BTBD9: variants seen among roughly 807,000 people sequenced by gnomAD.
BTBD9 encodes the protein BTB/POZ domain-containing protein 9.
Under a neutral mutation model 64.3 loss-of-function variants are expected in BTBD9, and 49 were observed. The ratio of observed to expected loss-of-function variants is 0.76; its 90% CI spans 0.61 to 0.97. The LOEUF (loss-of-function observed/expected upper bound fraction) is 0.97, where lower values mean the gene tolerates loss of function less well. Ranked by LOEUF, BTBD9 falls within the 50% of genes least tolerant of loss-of-function variation. BTBD9 has a pLI of 0.00. For synonymous variants in BTBD9, 260 were observed against 274.7 expected (o/e 0.95, Z 0.53); for missense variants, 598 against 762.1 (o/e 0.78, Z 2.53).
chr6:38,348,400 G>T (rs886987198), intron 6 of BTBD9, among the ~76,000 whole-genome samples: 1 of 152,200 alleles, frequency 6.6e-6, no homozygotes, highest in Non-Finnish European at 1.5e-5. Context: ...AAGGGCAGTG[G>T]CAGCTAGTGA....
intron 1 of BTBD9, among the ~76,000 whole-genome samples, chr6:38,600,048 A>C (rs1263856733): frequency 1.3e-5 from 2 of 152,222 alleles, no homozygotes; most frequent in Non-Finnish European, 2.9e-5. Flanking sequence ...TGTATGAAAG[A>C]CCAAATTCAG....
chr6:38,302,187 ACAGT>A (rs1178186723), intron 7 of BTBD9, among the ~76,000 whole-genome samples: 1 of 152,038 alleles, frequency 6.6e-6, no homozygotes, highest in Non-Finnish European at 1.5e-5. Flanking sequence ...ACTGTTAACC[ACAGT>A]CAACCTACTG....
chr6:38,592,443 T>C (rs1009699043), intron 4 of BTBD9, 133 bp downstream of exon 4: 46 of 971,566 alleles, frequency 4.7e-5, no homozygotes, highest in Non-Finnish European at 6.3e-5. Flanking sequence ...AGACATTCCA[T>C]AGGCTAGCTG....
At chr6:38,314,917 T>A (rs1762978428) in intron 7 of BTBD9, among the ~76,000 whole-genome samples, 1 of 152,198 alleles carries the variant, frequency 6.6e-6, no homozygotes, top group African/African-American at 2.4e-5. Flanking sequence ...TGGCGGGATC[T>A]CGGCTCACTG....
chr6:38,172,143 T>C lies in BTBD9; in HGVS notation c.*2842A>G, dbSNP rs754686513. The C allele has an allele frequency of 3.3e-5, 5 of 152,402 alleles. No individual in the cohort carries two copies. Among genetic ancestry groups the C allele is most frequent in the Admixed American group, 2.6e-4 (4 of 15,282 alleles). 9.4% of individuals were successfully genotyped at this position (152,402 alleles called of 1,614,324 possible). A position where few individuals can be genotyped will look rare whatever the true frequency, so the allele number is the denominator to read the frequency against. The stretch of plus-strand genomic sequence containing the variant: ...ATCTCCCCGACCAGGGGCTTGGCCA[T>C]GTCTCCTTCACAACCCCCGCTCCCC... On this transcript the variant is annotated 3_prime_UTR_variant, in exon 11 of 11. Transcript: ENST00000481247.
chr6:38,531,040 G>A (rs1011179516), intron 6 of BTBD9, among the ~76,000 whole-genome samples: 7 of 152,042 alleles, frequency 4.6e-5, no homozygotes, highest in East Asian at 3.9e-4. Context: ...AAGGGGTGGG[G>A]GTAGAAAATT....
intron 6 of BTBD9, among the ~76,000 whole-genome samples, chr6:38,428,105 C>G (rs1337982995): frequency 1.3e-5 from 2 of 151,786 alleles, no homozygotes; most frequent in African/African-American, 2.4e-5. Flanking sequence ...AGGAAGGGAG[C>G]TTTTTGGGTG....
chr6:38,469,310 T>TC (rs1770528766), intron 6 of BTBD9, among the ~76,000 whole-genome samples: 1 of 142,042 alleles, frequency 7.0e-6, no homozygotes, highest in Non-Finnish European at 1.5e-5. Flanking sequence ...CCACTCTCTC[T>TC]TTTTTTTTTT....
At chr6:38,432,947 TGTGCAGCAGGTAG>T (rs1193796671) in intron 6 of BTBD9, among the ~76,000 whole-genome samples, 1 of 152,056 alleles carries the variant, frequency 6.6e-6, no homozygotes, top group Non-Finnish European at 1.5e-5. Flanking sequence ...TGGTTTTCTC[TGTGCAGCAGGTAG>T]GAACAACCCA....
intron 7 of BTBD9, among the ~76,000 whole-genome samples, chr6:38,303,500 C>G (rs866208131): frequency 6.6e-6 from 1 of 151,980 alleles, no homozygotes; most frequent in African/African-American, 2.4e-5. Context: ...AAGTATAAAA[C>G]CTTTTATGAT....
chr6:38,303,850 T>TAG (rs1416309791), intron 7 of BTBD9, among the ~76,000 whole-genome samples: 4 of 104,550 alleles, frequency 3.8e-5, no homozygotes, highest in South Asian at 3.2e-4. Context: ...GATATATATA[T>TAG]ATATATATAT....
intron 6 of BTBD9, among the ~76,000 whole-genome samples, chr6:38,494,932 A>T (rs1771885414): frequency 6.6e-6 from 1 of 152,216 alleles, no homozygotes. Context: ...TAAATACTGC[A>T]AGGCATCTGG....
At chr6:38,526,256 T>C (rs1044604461) in intron 6 of BTBD9, among the ~76,000 whole-genome samples, 4 of 152,254 alleles carry the variant, frequency 2.6e-5, no homozygotes, top group Admixed American at 2.0e-4. Context: ...CTTCAGAGGA[T>C]GCAAGCTCCA....
In BTBD9 at chr6:38,414,101, A is replaced by C. The variant is rs150152503; in HGVS notation, c.1155-69008T>G. On this transcript the variant is annotated intron_variant, in intron 6 of 10. Coordinates refer to ENST00000481247, the MANE Select transcript of BTBD9 (RefSeq NM_001099272.2). Reference sequence around the variant, plus strand: ...AGTTTCACAGAAGTTTAGGTGTTACATTTATTACCTTATCTTTATGTTTGT... The same window carrying C: ...AGTTTCACAGAAGTTTAGGTGTTACCTTTATTACCTTATCTTTATGTTTGT... Among the ~76,000 whole-genome samples, 388 of 152,324 alleles carry C rather than the reference A, an allele frequency of 2.5e-3. 4 individuals are homozygous for C. The highest frequency in any genetic ancestry group is 8.4e-3 in the African/African-American group (348 of 41,572).
At chr6:38,480,367 C>T (rs1177493939) in intron 6 of BTBD9, among the ~76,000 whole-genome samples, 1 of 152,208 alleles carries the variant, frequency 6.6e-6, no homozygotes, top group Admixed American at 6.5e-5. Flanking sequence ...AGTAGCTCAT[C>T]TCTGCCATTC....
In BTBD9 at chr6:38,557,321, G is replaced by A. The variant is rs146396469; in HGVS notation, c.1154+20279C>T. On this transcript the variant is annotated intron_variant, in intron 6 of 10. Transcript: ENST00000481247. ...GATCGTGCCATTGCACTCCAGCCTG[G>A]GCGACAAGAGCAAGACTCAGTCTCA... is the stretch of plus-strand genomic sequence containing the variant. Among the ~76,000 whole-genome samples the A allele has an allele frequency of 1.9e-3, 291 of 152,166 alleles. 6 individuals carry two copies. The East Asian group carries it at 0.036, about 19-fold the overall frequency.
intron 9 of BTBD9, among the ~76,000 whole-genome samples, chr6:38,250,638 T>C (rs576989163): frequency 1.3e-5 from 2 of 152,312 alleles, no homozygotes; most frequent in East Asian, 3.9e-4. Context: ...AAAAAATAAC[T>C]ATCACAATGT....
intron 10 of BTBD9, among the ~76,000 whole-genome samples, chr6:38,189,242 C>A (rs777142961): frequency 1.3e-5 from 2 of 152,174 alleles, no homozygotes; most frequent in East Asian, 1.9e-4. Context: ...CTTGTCCATG[C>A]GGTCATATCC....
intron 6 of BTBD9, among the ~76,000 whole-genome samples, chr6:38,553,854 T>TA (rs879386136): frequency 2.3e-3 from 327 of 141,248 alleles, no homozygotes; most frequent in East Asian, 5.7e-3. Flanking sequence ...CCTTGTCCCT[T>TA]AAAAAAAAAA....
Sources: allele counts gnomAD v4.1 joint callset (sites outside exome capture counted in the v4.1 genomes callset), GRCh38; gene constraint gnomAD v4.1.1; transcripts MANE v1.5; gene names NCBI Gene and HGNC (gene_info 2026-07-23, HGNC 2026-07-21).